The following CRPPA variants were observed in gnomAD, a reference collection of about 807,000 sequenced individuals.
The protein encoded by CRPPA is CDP-L-ribitol pyrophosphorylase A.
A neutral mutation model predicts 52.0 loss-of-function variants in CRPPA; 43 were observed. The ratio of observed to expected loss-of-function variants is 0.83; its 90% CI spans 0.65 to 1.07. CRPPA has a LOEUF of 1.07. Among genes scored for constraint, CRPPA ranks in the 50% least tolerant of loss-of-function variants. CRPPA has a pLI of 0.00. For missense variants in CRPPA, 629 were observed against 551.7 expected, an observed-to-expected ratio of 1.14 and a Z score of -1.40; for synonymous variants, 250 against 203.5, an observed-to-expected ratio of 1.23 and a Z score of -1.94.
chr7:16,360,911 GATGT>G (rs1786426060), intron 3 of CRPPA, among the ~76,000 whole-genome samples: 2 of 151,998 alleles, frequency 1.3e-5, no homozygotes, highest in Admixed American at 6.6e-5. Context: ...TGCATCAGAA[GATGT>G]ATCAATAAAA....
At chr7:16,325,724 C>T (rs532584052) in intron 3 of CRPPA, among the ~76,000 whole-genome samples, 1 of 152,180 alleles carries the variant, frequency 6.6e-6, no homozygotes, top group South Asian at 2.1e-4. Flanking sequence ...TCCATAATGG[C>T]TCATCATCTG....
At position 16,406,208 on chromosome 7, in the gene CRPPA, T is replaced by G. The variant is rs767301131; in HGVS notation, c.387A>C (p.Ser129=). The G allele has an allele frequency of 2.5e-6, 4 of 1,614,038 alleles. No homozygotes were observed. Among genetic ancestry groups the G allele is most frequent in the Non-Finnish European group, 2.5e-6 (3 of 1,179,888 alleles). ...CCAGTGCTTTTAGTCCATTGAAAAT[T>G]GACCTGTGGCGGGTCACTCCAGCTT... ...LVEAGVTRHR[S]IFNGLKALAE... is the part of the protein sequence containing the mutation. The change falls in exon 2 of 10, where the codon TCA becomes TCC. Residue 129 remains serine (S), a synonymous_variant. Coordinates refer to ENST00000407010, the MANE Select transcript of CRPPA (RefSeq NM_001101426.4).
At chr7:16,342,782 A>AAAAAAAAAAAAATATATAT (rs1554335212) in intron 3 of CRPPA, among the ~76,000 whole-genome samples, 2 of 76,540 alleles carry the variant, frequency 2.6e-5, no homozygotes, top group African/African-American at 4.8e-5. Context: ...AAAAAAAAAA[A>AAAAAAAAAAAAATATATAT]ATATATATAT....
At chr7:16,180,983 C>A (rs1305194322) in intron 9 of CRPPA, among the ~76,000 whole-genome samples, 2 of 151,910 alleles carry the variant, frequency 1.3e-5, no homozygotes, top group African/African-American at 4.8e-5. Flanking sequence ...GAATGGCAAA[C>A]AGATGTGATA....
chr7:16,420,879 G>A (rs1190098974), intron 1 of CRPPA, among the ~76,000 whole-genome samples, 187 bp downstream of exon 1: 1 of 152,102 alleles, frequency 6.6e-6, no homozygotes, highest in Non-Finnish European at 1.5e-5. Context: ...TGCAGCTTTC[G>A]TGCCCATCTG....
At chr7:16,307,920 A>G (rs1411548175) in intron 4 of CRPPA, among the ~76,000 whole-genome samples, 2 of 151,354 alleles carry the variant, frequency 1.3e-5, no homozygotes, top group African/African-American at 4.8e-5. Context: ...GTGAAGAAAA[A>G]AAAAAAAAAA....
chr7:16,398,701 C>G (rs1181846046), intron 2 of CRPPA, among the ~76,000 whole-genome samples: 6 of 151,958 alleles, frequency 3.9e-5, no homozygotes, highest in African/African-American at 1.5e-4. Context: ...CGATTGGCAT[C>G]TAATCAACAC....
At chr7:16,255,996 G>A (rs1441033653) in intron 8 of CRPPA, among the ~76,000 whole-genome samples, 1 of 152,208 alleles carries the variant, frequency 6.6e-6, no homozygotes, top group African/African-American at 2.4e-5. Flanking sequence ...TACCATCAGA[G>A]TGAACAGGCA....
intron 9 of CRPPA, among the ~76,000 whole-genome samples, chr7:16,212,062 A>T (rs926763867): frequency 1.4e-4 from 21 of 152,028 alleles, no homozygotes; most frequent in Non-Finnish European, 2.2e-4. Flanking sequence ...ATTTTTTTTT[A>T]AAAAAACAAA....
At position 16,389,913 on chromosome 7, in the gene CRPPA, C is replaced by CAAAAAAAAAAAAAAAAAAAAA. The variant is rs1163092089; in HGVS notation, c.535-13673_535-13672insTTTTTTTTTTTTTTTTTTTTT. Among the ~76,000 whole-genome samples, 27 of 34,300 alleles carry CAAAAAAAAAAAAAAAAAAAAA rather than the reference C, an allele frequency of 7.9e-4. 1 individual carries two copies. Among genetic ancestry groups the CAAAAAAAAAAAAAAAAAAAAA allele is most frequent in the Non-Finnish European group, 9.7e-4 (23 of 23,700 alleles). The allele number at this position is 34,300 out of a possible 152,430, so 22.5% of individuals were successfully genotyped here. ...GGATACAGAGAACAAGCCTAGTATA[C>CAAAAAAAAAAAAAAAAAAAAA]AAAAAAAAAAAAAAAATATATATAT... On this transcript the variant is annotated intron_variant, in intron 2 of 9. Coordinates refer to ENST00000407010, the MANE Select transcript of CRPPA (RefSeq NM_001101426.4).
chr7:16,306,557 A>C (rs2128424252), intron 4 of CRPPA, among the ~76,000 whole-genome samples: 1 of 152,344 alleles, frequency 6.6e-6, no homozygotes, highest in East Asian at 1.9e-4. Context: ...ATGAGGGCTC[A>C]GAACATGCAA....
chr7:16,094,567 A>G (rs1257671994), intron 9 of CRPPA, among the ~76,000 whole-genome samples: 2 of 77,842 alleles, frequency 2.6e-5, no homozygotes, highest in African/African-American at 3.5e-5. Flanking sequence ...ATTCACATAC[A>G]TAAGTGTGTG....
chr7:16,112,708 G>C (rs1782291586), intron 9 of CRPPA, among the ~76,000 whole-genome samples: 1 of 152,072 alleles, frequency 6.6e-6, no homozygotes, highest in Non-Finnish European at 1.5e-5. Flanking sequence ...TTTCTTGGTA[G>C]GGGGGAACTG....
chr7:16,350,470 T>A (rs1203764280), intron 3 of CRPPA, among the ~76,000 whole-genome samples: 1 of 152,078 alleles, frequency 6.6e-6, no homozygotes, highest in Non-Finnish European at 1.5e-5. Flanking sequence ...AAATATAAAT[T>A]TTGACATCAA....
At chr7:16,414,699 A>G (rs1788154143) in intron 1 of CRPPA, among the ~76,000 whole-genome samples, 2 of 152,156 alleles carry the variant, frequency 1.3e-5, no homozygotes, top group Non-Finnish European at 2.9e-5. Flanking sequence ...AAAGGCGAAA[A>G]CTAAGATTCC....
intron 4 of CRPPA, among the ~76,000 whole-genome samples, chr7:16,306,940 C>T (rs960940161): frequency 6.6e-6 from 1 of 152,218 alleles, no homozygotes; most frequent in East Asian, 1.9e-4. Flanking sequence ...ATACTTCAAA[C>T]ATGTCAATAT....
chr7:16,121,007 C>T (rs968720734), intron 9 of CRPPA, among the ~76,000 whole-genome samples: 1 of 151,822 alleles, frequency 6.6e-6, no homozygotes, highest in Non-Finnish European at 1.5e-5. Flanking sequence ...AAAAAATGTA[C>T]ATAGAGAACA....
chr7:16,179,320 A>C (rs2128387201), intron 9 of CRPPA, among the ~76,000 whole-genome samples: 1 of 152,240 alleles, frequency 6.6e-6, no homozygotes, highest in South Asian at 2.1e-4. Flanking sequence ...GCCTCTCTAA[A>C]GATGTCCATT....
chr7:16,275,243 T>C (rs1407245001), intron 6 of CRPPA, among the ~76,000 whole-genome samples: 2 of 152,188 alleles, frequency 1.3e-5, no homozygotes, highest in Non-Finnish European at 2.9e-5. Flanking sequence ...ATTCTGGGAA[T>C]AGCAACAGAA....
Sources: allele counts gnomAD v4.1 joint callset (sites outside exome capture counted in the v4.1 genomes callset), GRCh38; gene constraint gnomAD v4.1.1; transcripts MANE v1.5; gene names NCBI Gene and HGNC (gene_info 2026-07-23, HGNC 2026-07-21).